The following CTNNA1 variants were observed in gnomAD, a reference collection of about 807,000 sequenced individuals.
CTNNA1 encodes the protein catenin alpha-1.
In CTNNA1, 37 loss-of-function variants were observed where a neutral mutation model predicts 98.4. The observed-to-expected ratio is 0.38, with a 90% CI of 0.29 to 0.49. The LOEUF (loss-of-function observed/expected upper bound fraction) is 0.49. Ranked by LOEUF, CTNNA1 falls within the 20% of genes least tolerant of loss-of-function variation. The pLI is 0.95. For synonymous variants in CTNNA1, 404 were observed against 413.2 expected (o/e 0.98, Z 0.27); for missense variants, 761 against 1,147.2 (o/e 0.66, Z 4.86).
chr5:138,823,721 G>C (rs1760288701), intron 5 of CTNNA1, among the ~76,000 whole-genome samples: 1 of 151,958 alleles, frequency 6.6e-6, no homozygotes, highest in Non-Finnish European at 1.5e-5. Context: ...ACTTTGGGAG[G>C]CCGAGGCGGG....
intron 1 of CTNNA1, among the ~76,000 whole-genome samples, chr5:138,766,939 AGTT>A (rs1753000566): frequency 6.6e-6 from 1 of 152,282 alleles, no homozygotes; most frequent in African/African-American, 2.4e-5. Flanking sequence ...TTGCTCAAGT[AGTT>A]GTTATGAACA....
chr5:138,869,296 A>G (rs1422244852), intron 7 of CTNNA1: 1 of 151,766 alleles, frequency 6.6e-6, no homozygotes, highest in Non-Finnish European at 1.5e-5. Context: ...TTTTGGCCTT[A>G]TTCAAGTACT....
chr5:138,870,751 A>G (rs1484594740), intron 7 of CTNNA1: 1 of 152,194 alleles, frequency 6.6e-6, no homozygotes, highest in Non-Finnish European at 1.5e-5. Context: ...TCACCTGACA[A>G]ATGGCAATGG....
intron 7 of CTNNA1, among the ~76,000 whole-genome samples, chr5:138,861,016 C>T (rs1459489139): frequency 6.6e-6 from 1 of 152,074 alleles, no homozygotes; most frequent in Non-Finnish European, 1.5e-5. Flanking sequence ...CAAGGCACTC[C>T]TGAACACAAT....
chr5:138,889,290 A>G (rs1754819350), intron 9 of CTNNA1, among the ~76,000 whole-genome samples: 1 of 152,168 alleles, frequency 6.6e-6, no homozygotes, highest in Non-Finnish European at 1.5e-5. Flanking sequence ...TATTAGGGCC[A>G]GCTGCATTAT....
At chr5:138,793,317 G>A (rs914998462) in intron 3 of CTNNA1, among the ~76,000 whole-genome samples, 1 of 152,204 alleles carries the variant, frequency 6.6e-6, no homozygotes, top group African/African-American at 2.4e-5. Flanking sequence ...ATGTTTCAAG[G>A]ATGCTGTCTG....
intron 7 of CTNNA1, chr5:138,870,783 T>G (rs1016702242): frequency 6.6e-6 from 1 of 152,274 alleles, no homozygotes; most frequent in Non-Finnish European, 1.5e-5. Context: ...AATGGGTTGG[T>G]AAATTTTAGC....
At position 138,897,965 on chromosome 5, in the gene CTNNA1, A is replaced by G. The variant is rs548486028; in HGVS notation, c.1297-6384A>G. On this transcript the variant is annotated intron_variant, in intron 9 of 17. Coordinates refer to ENST00000302763, the MANE Select transcript of CTNNA1 (RefSeq NM_001903.5). Reference sequence around the variant, plus strand: ...TTGCTCTGTTCCAGAAAAGAGATGCAGTTTGGATACAGCTTTTGATACAGT... The same window carrying G: ...TTGCTCTGTTCCAGAAAAGAGATGCGGTTTGGATACAGCTTTTGATACAGT... Among the ~76,000 whole-genome samples, 25 of 152,326 alleles carry G rather than the reference A, an allele frequency of 1.6e-4. No individual in the cohort carries two copies. The South Asian group carries it at 5.2e-3, about 32-fold the overall frequency.
intron 9 of CTNNA1, among the ~76,000 whole-genome samples, chr5:138,892,709 G>A (rs1236353183): frequency 6.6e-6 from 1 of 151,730 alleles, no homozygotes; most frequent in Non-Finnish European, 1.5e-5. Context: ...TTTTTAATGT[G>A]CCTACTAAAA....
At chr5:138,758,029 G>A (rs1751879392) in intron 1 of CTNNA1, among the ~76,000 whole-genome samples, 2 of 151,116 alleles carry the variant, frequency 1.3e-5, no homozygotes. Flanking sequence ...TTTTTGAGAT[G>A]GAGTTTTGCT....
At chr5:138,887,738 TCGCTTAA>T in intron 9 of CTNNA1, 96 bp downstream of exon 9, 1 of 961,360 alleles carries the variant, frequency 1.0e-6, no homozygotes, top group Non-Finnish European at 1.6e-6. Flanking sequence ...TTGTAAGGGC[TCGCTTAA>T]CATACAACAT....
rs1766048367 is a variant in CTNNA1 at position 138,934,164 on chromosome 5, G to A, written c.*75G>A. On this transcript the variant is annotated 3_prime_UTR_variant, in exon 18 of 18. Transcript: ENST00000302763. ...CACTGTTCGTCACTCAAATGAATTT[G>A]CTAAATACAACACTGATACTAGATT... 2.6e-6 allele frequency: 3 copies of A among 1,154,438 alleles called. No homozygotes were observed. Among genetic ancestry groups the A allele is most frequent in the East Asian group, 4.8e-5 (2 of 42,078 alleles). The allele number at this position is 1,154,438 out of a possible 1,614,324, so 71.5% of individuals were successfully genotyped here. A position where few individuals can be genotyped will look rare whatever the true frequency, so the allele number is the denominator to read the frequency against.
At chr5:138,849,296 C>T (rs1383480818) in intron 7 of CTNNA1, among the ~76,000 whole-genome samples, 6 of 151,946 alleles carry the variant, frequency 3.9e-5, no homozygotes, top group Non-Finnish European at 8.8e-5. Context: ...GAGGAAAAAG[C>T]TATTATGAAT....
At chr5:138,811,779 G>T (rs1437519742) in intron 4 of CTNNA1, among the ~76,000 whole-genome samples, 1 of 152,178 alleles carries the variant, frequency 6.6e-6, no homozygotes, top group African/African-American at 2.4e-5. Context: ...CCAGTCAGGC[G>T]TGGCAGCGCA....
chr5:138,879,547 T>C (rs1256415981), intron 7 of CTNNA1, among the ~76,000 whole-genome samples: 1 of 152,068 alleles, frequency 6.6e-6, no homozygotes, highest in Non-Finnish European at 1.5e-5. Context: ...TAGCTCACTG[T>C]AACCTTGAAC....
chr5:138,873,303 T>A lies in CTNNA1; in HGVS notation c.1063-12909T>A. ...ATTGTTCCCGTAATTACCCGCTGAG[T>A]GAAGATGGCATTGTCTGGTTCAGGA... On this transcript the variant is annotated intron_variant, in intron 7 of 17. Transcript: ENST00000302763. This position sits in a 1 kb window ranked among gnomAD's most constrained non-coding sequence, Gnocchi z 6.1. The A allele has an allele frequency of 6.2e-7, 1 of 1,614,004 alleles. No homozygotes were observed. Among genetic ancestry groups the A allele is most frequent in the Non-Finnish European group, 8.5e-7 (1 of 1,179,868 alleles).
chr5:138,759,798 T>G (rs1752110869), intron 1 of CTNNA1, among the ~76,000 whole-genome samples: 1 of 152,056 alleles, frequency 6.6e-6, no homozygotes, highest in South Asian at 2.1e-4. Flanking sequence ...GGGCTGAAAT[T>G]GACTGAAATT....
chr5:138,781,015 C>A (rs869312578), intron 1 of CTNNA1, among the ~76,000 whole-genome samples: 1 of 152,170 alleles, frequency 6.6e-6, no homozygotes, highest in African/African-American at 2.4e-5. Flanking sequence ...TCTCTTGACA[C>A]TGATACAGTG....
chr5:138,819,629 T>C (rs1216330507), intron 5 of CTNNA1, among the ~76,000 whole-genome samples: 1 of 152,142 alleles, frequency 6.6e-6, no homozygotes, highest in Non-Finnish European at 1.5e-5. Flanking sequence ...CCACTTCTGC[T>C]AAAGCACTTG....
Sources: allele counts gnomAD v4.1 joint callset (sites outside exome capture counted in the v4.1 genomes callset), GRCh38; gene constraint gnomAD v4.1.1; non-coding constraint Gnocchi (gnomAD v3.1); transcripts MANE v1.5; gene names NCBI Gene and HGNC (gene_info 2026-07-23, HGNC 2026-07-21).